Variants in PON3 observed in about 807,000 individuals in gnomAD.
The protein encoded by PON3 is serum paraoxonase/lactonase 3.
PON3 carries 37 observed loss-of-function variants against 36.3 expected under a neutral mutation model. The observed-to-expected ratio is 1.02, with a 90% CI of 0.78 to 1.34. The LOEUF (loss-of-function observed/expected upper bound fraction) is 1.34, where lower values mean the gene tolerates loss of function less well. Among genes scored for constraint, PON3 ranks in the 40% most tolerant of loss-of-function variants. The pLI, the probability that PON3 is intolerant of heterozygous loss-of-function variation, is 0.00. For synonymous variants in PON3, 155 were observed against 154.8 expected, an observed-to-expected ratio of 1.00 and a Z score of -0.01; for missense variants, 415 against 426.5, an observed-to-expected ratio of 0.97 and a Z score of 0.24.
chr7:95,392,498 T>C (rs1335294163), intron 2 of PON3, among the ~76,000 whole-genome samples: 1 of 152,236 alleles, frequency 6.6e-6, no homozygotes, highest in Non-Finnish European at 1.5e-5. Flanking sequence ...GTATAGTGAA[T>C]ATGAATACTA....
At chr7:95,378,035 A>G (rs986055661) in intron 3 of PON3, among the ~76,000 whole-genome samples, 1 of 152,232 alleles carries the variant, frequency 6.6e-6, no homozygotes, top group Admixed American at 6.5e-5. Context: ...ATGGATAACT[A>G]GAATAAGCAG....
chr7:95,364,154 T>G (rs1808640784), intron 5 of PON3, 91 bp from the exon 6 acceptor site: 3 of 999,226 alleles, frequency 3.0e-6, no homozygotes, highest in Non-Finnish European at 4.8e-6. Context: ...CATAGACTAA[T>G]ACGTTCATCA....
intron 3 of PON3, among the ~76,000 whole-genome samples, chr7:95,384,428 T>A (rs1809139568): frequency 6.6e-6 from 1 of 152,010 alleles, no homozygotes; most frequent in South Asian, 2.1e-4. Flanking sequence ...ACCTACAGAA[T>A]GCAAGAAAAT....
chr7:95,371,891 T>C (rs1808814971), intron 4 of PON3, among the ~76,000 whole-genome samples: 1 of 152,138 alleles, frequency 6.6e-6, no homozygotes, highest in South Asian at 2.1e-4. Flanking sequence ...TTAGTTTACA[T>C]GTTAGATTTC....
chr7:95,377,123 G>A (rs111895692), intron 3 of PON3, among the ~76,000 whole-genome samples: 8,628 of 152,274 alleles, frequency 0.057, 817 homozygotes, highest in African/African-American at 0.2. Flanking sequence ...CGGGTTCTAC[G>A]CCCACAGAGC....
chr7:95,375,953 C>A (rs1341399710), intron 3 of PON3, among the ~76,000 whole-genome samples: 2 of 152,208 alleles, frequency 1.3e-5, no homozygotes, highest in Non-Finnish European at 2.9e-5. Context: ...CTATACTCAT[C>A]CATCACCACA....
intron 4 of PON3, 39 bp from the exon 5 acceptor site, chr7:95,367,527 C>T (rs1808725442): frequency 6.2e-7 from 1 of 1,602,872 alleles, no homozygotes; most frequent in East Asian, 2.2e-5. Context: ...GAAAGTTACC[C>T]CTATCACAAC....
At chr7:95,369,220 C>T (rs1435251942) in intron 4 of PON3, among the ~76,000 whole-genome samples, 1 of 152,152 alleles carries the variant, frequency 6.6e-6, no homozygotes, top group Non-Finnish European at 1.5e-5. Context: ...AGAGTACCTA[C>T]TGTGCATCAG....
intron 3 of PON3, among the ~76,000 whole-genome samples, chr7:95,375,218 C>T (rs916453321): frequency 2.0e-5 from 3 of 150,638 alleles, no homozygotes; most frequent in African/African-American, 7.3e-5. Flanking sequence ...AATAGTAGTA[C>T]TGAAGAAAAA....
At chr7:95,384,818 A>G (rs1809150347) in intron 3 of PON3, among the ~76,000 whole-genome samples, 1 of 152,214 alleles carries the variant, frequency 6.6e-6, no homozygotes, top group Non-Finnish European at 1.5e-5. Context: ...AACTAGAACT[A>G]GAAATACCAT....
Position 95,372,317 on chromosome 7 carries a change from G to T in PON3, c.223C>A (p.Pro75Thr), listed in dbSNP as rs1211744090. Residue 75 changes from proline to threonine, a missense_variant, in exon 4 of 9, where the codon CCA becomes ACA. Physicochemically the swap from Pro to Thr is conservative, Grantham distance 38. Transcript: ENST00000265627. ...CCTGGTTCATCTGGCGCAAAGTTTG[G>T]CATGCCTGGATATTTTAATCCCTTT... The part of the protein sequence containing the change: ...ISSGLKYPGM[P>T]NFAPDEPGKI... 1 of 1,613,746 alleles carries T rather than the reference G, an allele frequency of 6.2e-7. No homozygotes were observed. Among genetic ancestry groups the T allele is most frequent in the African/African-American group, 1.3e-5 (1 of 74,928 alleles).
At chr7:95,383,119 A>G (rs1457813627) in intron 3 of PON3, among the ~76,000 whole-genome samples, 1 of 152,240 alleles carries the variant, frequency 6.6e-6, no homozygotes, top group Non-Finnish European at 1.5e-5. Flanking sequence ...TTATCTCACT[A>G]GATGCAGAAA....
chr7:95,372,190 C>T lies in PON3; in HGVS notation c.350G>A (p.Ser117Asn), dbSNP rs1808822474. 1 of 1,613,526 alleles carries T rather than the reference C, an allele frequency of 6.2e-7. No homozygotes were observed. Residue 117 changes from serine (S) to asparagine (N), a missense_variant, in exon 4 of 9, where the codon AGT becomes AAT. By Grantham distance (46) the Ser-to-Asn change is conservative. Transcript: ENST00000265627. Reference sequence around the variant, plus strand: ...GGTTTTACCTTTGTCGATGAAAATACTGATCCCATGTGGATTAAATAATTC... The same window carrying T: ...GGTTTTACCTTTGTCGATGAAAATATTGATCCCATGTGGATTAAATAATTC... ...DKELFNPHGI[S>N]IFIDKDNTVY...
chr7:95,383,713 C>G (rs1809117928), intron 3 of PON3, among the ~76,000 whole-genome samples: 1 of 152,166 alleles, frequency 6.6e-6, no homozygotes, highest in Non-Finnish European at 1.5e-5. Flanking sequence ...AGAACACAAA[C>G]AAATGGAAGA....
intron 3 of PON3, among the ~76,000 whole-genome samples, chr7:95,374,197 A>G (rs1481225440): frequency 6.6e-6 from 1 of 152,130 alleles, no homozygotes; most frequent in Non-Finnish European, 1.5e-5. Context: ...CTTCCTCTTT[A>G]TTATGAGTGG....
At chr7:95,380,973 AG>A (rs1176354925) in intron 3 of PON3, among the ~76,000 whole-genome samples, 2 of 152,240 alleles carry the variant, frequency 1.3e-5, no homozygotes, top group African/African-American at 4.8e-5. Flanking sequence ...TTACCGACAA[AG>A]GGAAGCCCAT....
At chr7:95,367,125 C>G (rs939687470) in intron 5 of PON3, among the ~76,000 whole-genome samples, 9 of 152,136 alleles carry the variant, frequency 5.9e-5, no homozygotes, top group African/African-American at 1.9e-4. Flanking sequence ...AATTGAGCAC[C>G]TTTATAGGAT....
chr7:95,389,511 T>C (rs1809271617), intron 3 of PON3, among the ~76,000 whole-genome samples: 1 of 152,204 alleles, frequency 6.6e-6, no homozygotes, highest in Admixed American at 6.5e-5. Flanking sequence ...CAAATATTAA[T>C]ATATGAAAAA....
intron 3 of PON3, among the ~76,000 whole-genome samples, 196 bp from the exon 4 acceptor site, chr7:95,372,534 G>C (rs1808831921): frequency 6.6e-6 from 1 of 152,070 alleles, no homozygotes; most frequent in Non-Finnish European, 1.5e-5. Flanking sequence ...CATTGGCTAT[G>C]AACACAGAAA....
Sources: gnomAD v4.1 joint callset for allele counts (sites outside exome capture counted in the v4.1 genomes callset) on GRCh38, gnomAD v4.1.1 for gene constraint, MANE v1.5 for transcripts, NCBI Gene and HGNC (gene_info 2026-07-23, HGNC 2026-07-21) for gene names.